Variants in EIF2B4 observed in about 807,000 individuals in gnomAD.
EIF2B4 encodes translation initiation factor eIF2B subunit delta.
A neutral mutation model predicts 66.7 loss-of-function variants in EIF2B4; 34 were observed. The observed-to-expected ratio is 0.51, with a 90% CI of 0.39 to 0.68. The LOEUF is 0.68. EIF2B4 is among the 30% of genes least tolerant of loss of function. EIF2B4 has a pLI of 0.00. For missense variants in EIF2B4, 618 were observed against 657.9 expected, an observed-to-expected ratio of 0.94 and a Z score of 0.66; for synonymous variants, 278 against 253.6, an observed-to-expected ratio of 1.10 and a Z score of -0.92.
intron 11 of EIF2B4, 74 bp from the exon 12 acceptor site, chr2:27,364,972 G>A: frequency 1.4e-6 from 2 of 1,445,866 alleles, no homozygotes; most frequent in South Asian, 1.2e-5. Flanking sequence ...CTACTTACAG[G>A]ACAGCAACAT....
intron 2 of EIF2B4, 112 bp from the exon 3 acceptor site, chr2:27,369,661 T>C: frequency 6.4e-7 from 1 of 1,573,846 alleles, no homozygotes; most frequent in Non-Finnish European, 8.7e-7. Context: ...CTTCCTAACT[T>C]CCACAAGCTA....
rs991629263 is a variant in EIF2B4 at position 27,369,188 on chromosome 2, T to A, written c.236A>T (p.Glu79Val). The A allele has an allele frequency of 1.2e-6, 2 of 1,612,792 alleles. No individual in the cohort carries two copies. The highest frequency in any genetic ancestry group is 1.7e-6 in the Non-Finnish European group (2 of 1,179,950). ...CQVGPTRELP[E>V]SGIQLGTPRE... is the part of the protein sequence containing the mutation. ...AGGAGTGCCCAACTGAATGCCCGATTCTGGCAGTTCTCTGGTTGGGCCTAC... is the reference window on the plus strand; with the variant it reads ...AGGAGTGCCCAACTGAATGCCCGATACTGGCAGTTCTCTGGTTGGGCCTAC... The change falls in exon 4 of 13, where the codon GAA becomes GTA. Residue 79 changes from glutamate (E) to valine (V), a missense_variant. By Grantham distance (121) the Glu-to-Val change is moderately radical (BLOSUM62 -2). Transcript: ENST00000347454.
rs770476312 is a variant in EIF2B4 at position 27,367,825 on chromosome 2, A to G, written c.706-3T>C. 5.6e-6 allele frequency: 9 copies of G among 1,613,204 alleles called. No homozygotes were observed. The highest frequency in any genetic ancestry group is 1.3e-5 in the African/African-American group (1 of 75,006). On this transcript the variant is annotated splice_region_variant and splice_polypyrimidine_tract_variant and intron_variant, in intron 7 of 12. Coordinates refer to ENST00000347454, the MANE Select transcript of EIF2B4 (RefSeq NM_001034116.2). ...GGTGTTGTGTAATCCTGAATCACCT[A>G]TAGGGTACACAAGGTGATCTGCAAA...
chr2:27,368,124 C>T lies in EIF2B4; in HGVS notation c.606G>A (p.Val202=). 1 of 1,593,018 alleles carries T rather than the reference C, an allele frequency of 6.3e-7. No homozygotes were observed. Among genetic ancestry groups the T allele is most frequent in the Non-Finnish European group, 8.6e-7 (1 of 1,169,334 alleles). ...LTQFMSIPSS[V]IHPAMVRLGL... ...CGAGTCGCACCATGGCTGGGTGGATCACAGAGGATGGGATGCTGATGGGAT... is the reference window on the plus strand; with the variant it reads ...CGAGTCGCACCATGGCTGGGTGGATTACAGAGGATGGGATGCTGATGGGAT... The change falls in exon 7 of 13, where the codon GTG becomes GTA. Residue 202 remains valine, a synonymous_variant. Coordinates refer to ENST00000347454, the MANE Select transcript of EIF2B4 (RefSeq NM_001034116.2).
chr2:27,368,789 G>T, intron 4 of EIF2B4, 56 bp from the exon 5 acceptor site: 1 of 1,585,618 alleles, frequency 6.3e-7, no homozygotes, highest in Admixed American at 1.7e-5. Context: ...TGTGTAATTT[G>T]CTCTTAGGGT....
intron 11 of EIF2B4, chr2:27,366,143 G>A (rs1392286753): frequency 3.9e-5 from 1 of 25,458 alleles, no homozygotes; most frequent in Admixed American, 3.3e-4. Context: ...CACTCAAGCA[G>A]TCCTCTCACC....
chr2:27,369,992 C>A (rs919423917), intron 1 of EIF2B4, 73 bp from the exon 2 acceptor site: 14 of 1,538,360 alleles, frequency 9.1e-6, no homozygotes, highest in Non-Finnish European at 1.2e-5. Flanking sequence ...GTACTCGGCG[C>A]AGCCGGCTGC....
At position 27,369,435 on chromosome 2, in the gene EIF2B4, C is replaced by T. The variant is rs906366986; in HGVS notation, c.190G>A (p.Val64Ile). ...TCACCTTGACATTGGGCTGCAGATA[C>T]AGCAGAGCCAGTCTCTGGTTCTGCC... ...KGAEPETGSA[V>I]SAAQCQVGPT... Residue 64 changes from valine (V) to isoleucine (I), a missense_variant, in exon 3 of 13, where the codon GTA becomes ATA. This residue lies in a region of EIF2B4 where 506 missense variants were observed against 511.9 expected (regional missense o/e 0.99). Transcript: ENST00000347454. The T allele has an allele frequency of 1.2e-6, 2 of 1,614,000 alleles. No homozygotes were observed. The highest frequency in any genetic ancestry group is 1.6e-4 in the Middle Eastern group (1 of 6,078).
chr2:27,367,303 G>C (rs779688743), intron 9 of EIF2B4, 102 bp from the exon 10 acceptor site: 4 of 1,590,046 alleles, frequency 2.5e-6, no homozygotes, highest in Middle Eastern at 1.7e-4. Flanking sequence ...AGCCTATAGA[G>C]GGCTCAGAGA....
In EIF2B4 at chr2:27,366,756, T is replaced by C. The variant is rs765038824; in HGVS notation, c.1191+3A>G. On this transcript the variant is annotated splice_donor_region_variant and intron_variant, in intron 11 of 12. Transcript: ENST00000347454. The stretch of plus-strand genomic sequence containing the variant: ...CTTTGGAGTCCTTTTCCTCTGTACT[T>C]ACCTCTGGGAGCACATAGGAGGCTG... The C allele has an allele frequency of 1.2e-6, 2 of 1,614,192 alleles. No homozygotes were observed. The highest frequency in any genetic ancestry group is 1.7e-4 in the Middle Eastern group (1 of 6,058).
intron 7 of EIF2B4, 96 bp from the exon 8 acceptor site, chr2:27,367,918 G>T: frequency 2.0e-6 from 3 of 1,487,768 alleles, no homozygotes; most frequent in Non-Finnish European, 9.3e-7. Context: ...TGTTCTGAGG[G>T]TAGGAGTATT....
intron 11 of EIF2B4, 155 bp from the exon 12 acceptor site, chr2:27,365,053 ATCTT>A (rs1187480225): frequency 2.7e-5 from 21 of 772,042 alleles, no homozygotes; most frequent in Non-Finnish European, 4.3e-5. Context: ...CAAGTAATAA[ATCTT>A]TTTTTTTTTT....
chr2:27,365,006 A>G (rs1681742650), intron 11 of EIF2B4, 108 bp from the exon 12 acceptor site: 7 of 1,079,494 alleles, frequency 6.5e-6, no homozygotes, highest in East Asian at 2.6e-5. Flanking sequence ...AAATCTCAAC[A>G]CCTGTGAAAA....
In EIF2B4 at chr2:27,364,498, T is replaced by G; in HGVS notation, c.1474A>C (p.Thr492Pro). The G allele has an allele frequency of 6.2e-7, 1 of 1,613,800 alleles. No individual in the cohort carries two copies. The highest frequency in any genetic ancestry group is 8.5e-7 in the Non-Finnish European group (1 of 1,179,982). ...ACCAGATCCACAAGCTCTGGGGGAG[T>G]CACATCATAGACTAGATTCAACAAC... The part of the protein sequence containing the change: ...LRLLNLVYDV[T>P]PPELVDLVIT... The change falls in exon 13 of 13, where the codon ACT (threonine) becomes CCT (proline). Residue 492 changes from threonine to proline, a missense_variant. Transcript: ENST00000347454.
Position 27,367,757 on chromosome 2 carries a change from T to C in EIF2B4, c.771A>G (p.Lys257=). ...AGTGTTGTCCCTACCTCATGTAGGGTTTTAGTTTATTCACTAGATCCCTGG... is the reference window on the plus strand; with the variant it reads ...AGTGTTGTCCCTACCTCATGTAGGGCTTTAGTTTATTCACTAGATCCCTGG... ...ELSRDLVNKL[K]PYMSFLTQCR... The change falls in exon 8 of 13, where the codon AAA becomes AAG. Residue 257 remains lysine, a synonymous_variant. Transcript: ENST00000347454. The C allele has an allele frequency of 6.2e-7, 1 of 1,613,508 alleles. No homozygotes were observed. The highest frequency in any genetic ancestry group is 8.5e-7 in the Non-Finnish European group (1 of 1,179,662).
At chr2:27,367,657 CAAAAT>C in intron 8 of EIF2B4, 84 bp downstream of exon 8, 1 of 1,589,682 alleles carries the variant, frequency 6.3e-7, no homozygotes, top group Non-Finnish European at 8.6e-7. Context: ...AAATAGAACA[CAAAAT>C]GAAAAGAGAG....
In EIF2B4 at chr2:27,369,219, G is replaced by A. The variant is rs1166487742; in HGVS notation, c.212-7C>T. 1 of 1,609,468 alleles carries A rather than the reference G, an allele frequency of 6.2e-7. No individual in the cohort carries two copies. The highest frequency in any genetic ancestry group is 1.7e-5 in the Admixed American group (1 of 59,924). On this transcript the variant is annotated splice_region_variant and splice_polypyrimidine_tract_variant and intron_variant, in intron 3 of 12. Coordinates refer to ENST00000347454, the MANE Select transcript of EIF2B4 (RefSeq NM_001034116.2). ...AGTTCTCTGGTTGGGCCTACTAAAA[G>A]CATTAAAAAAAAAAATGCCCAAGCT... is the stretch of plus-strand genomic sequence containing the variant.
rs757785081 is a variant in EIF2B4 at position 27,369,310 on chromosome 2, C to T, written c.212-98G>A. 6 of 1,609,076 alleles carry T rather than the reference C, an allele frequency of 3.7e-6. 1 individual carries two copies. The highest frequency in any genetic ancestry group is 3.4e-6 in the Non-Finnish European group (4 of 1,177,666). ...TCTCCTTGTAAACCTCTTTGCTTTA[C>T]ACACTTGCTCAAATCAACTTTGTCC... On this transcript the variant is annotated intron_variant, in intron 3 of 12. Coordinates refer to ENST00000347454, the MANE Select transcript of EIF2B4 (RefSeq NM_001034116.2).
intron 1 of EIF2B4, 35 bp downstream of exon 1, chr2:27,370,249 C>T (rs371347853): frequency 9.1e-6 from 14 of 1,544,994 alleles, no homozygotes; most frequent in Admixed American, 3.9e-5. Flanking sequence ...TCGTCGGCTC[C>T]GCGTACCAGT....
Sources: allele counts gnomAD v4.1 joint callset, GRCh38; gene constraint gnomAD v4.1.1; regional missense constraint gnomAD v4.1.1; transcripts MANE v1.5; gene names NCBI Gene and HGNC (gene_info 2026-07-23, HGNC 2026-07-21).